DOCK4: variants seen among roughly 807,000 people sequenced by gnomAD.
DOCK4 encodes dedicator of cytokinesis protein 4.
Under a neutral mutation model 268.1 loss-of-function variants are expected in DOCK4, and 97 were observed. That is an observed-to-expected ratio of 0.36 (90% CI 0.31 to 0.43). The LOEUF is 0.43. DOCK4 is among the 20% of genes least tolerant of loss of function. The pLI is 1.00. For missense variants in DOCK4, 2,145 were observed against 2,455.7 expected (o/e 0.87, Z 2.67); for synonymous variants, 954 against 887.2 (o/e 1.08, Z -1.34).
chr7:111,786,302 C>T (rs1165830896), intron 32 of DOCK4, among the ~76,000 whole-genome samples: 1 of 152,190 alleles, frequency 6.6e-6, no homozygotes, highest in Admixed American at 6.5e-5. Context: ...TATGCTTCCA[C>T]AGCACAGTCA....
intron 42 of DOCK4, among the ~76,000 whole-genome samples, chr7:111,753,671 G>A (rs1796837330): frequency 6.6e-6 from 1 of 152,130 alleles, no homozygotes; most frequent in Non-Finnish European, 1.5e-5. Context: ...TCAATTCAAC[G>A]TGATGTATTT....
intron 1 of DOCK4, among the ~76,000 whole-genome samples, chr7:112,111,249 G>C (rs1586843581): frequency 6.6e-6 from 1 of 152,292 alleles, no homozygotes; most frequent in East Asian, 1.9e-4. Flanking sequence ...GCCATCTCCA[G>C]TGGGGCAGGG....
chr7:111,815,613 TCC>T lies in DOCK4; in HGVS notation c.2931-3666_2931-3665del, dbSNP rs1239949918. ...TGATTTATTTATTCATTTATTTATT[TCC>T]TTCCTTCCTTCCCCTCCCCCATCCC... On this transcript the variant is annotated intron_variant, in intron 27 of 52. Transcript: ENST00000428084. 2.9e-3 allele frequency among the ~76,000 whole-genome samples: 444 copies of T among 151,788 alleles called. 3 individuals are homozygous for T. Among genetic ancestry groups the T allele is most frequent in the African/African-American group, 0.01 (418 of 41,318 alleles).
At chr7:111,916,424 C>T (rs536990974) in intron 12 of DOCK4, among the ~76,000 whole-genome samples, 26 of 151,830 alleles carry the variant, frequency 1.7e-4, no homozygotes, top group African/African-American at 4.1e-4. Context: ...GTAACAAAGC[C>T]GATTATAATG....
intron 30 of DOCK4, among the ~76,000 whole-genome samples, chr7:111,794,089 C>T (rs1007178876): frequency 1.3e-5 from 2 of 152,140 alleles, no homozygotes; most frequent in Non-Finnish European, 1.5e-5. Flanking sequence ...GACACAGATG[C>T]TGGAGGGCCA....
chr7:111,930,995 C>T (rs1794155324), intron 12 of DOCK4, among the ~76,000 whole-genome samples: 2 of 152,260 alleles, frequency 1.3e-5, no homozygotes, highest in Admixed American at 6.5e-5. Context: ...GCTGGGTTTG[C>T]CTCAGCTTGA....
chr7:112,181,493 A>C (rs1819028603), intron 1 of DOCK4, among the ~76,000 whole-genome samples: 2 of 151,946 alleles, frequency 1.3e-5, no homozygotes, highest in Non-Finnish European at 1.5e-5. Flanking sequence ...CCATCTCTAC[A>C]AAAAAATTTA....
chr7:111,963,866 C>G (rs373029093), intron 8 of DOCK4, among the ~76,000 whole-genome samples: 28 of 73,542 alleles, frequency 3.8e-4, no homozygotes, highest in East Asian at 1.1e-3. Flanking sequence ...ATCTGAGAAC[C>G]GGCAGACTGC....
chr7:111,799,321 C>T lies in DOCK4; in HGVS notation c.3167-8716G>A, dbSNP rs555842176. Among the ~76,000 whole-genome samples the T allele has an allele frequency of 9.8e-5, 15 of 152,290 alleles. No homozygotes were observed. The South Asian group carries it at 2.7e-3, about 27-fold the overall frequency. ...TCAGATATTGTTTTCAGGCAGAAAACCTCTAAATTGGTTAAGCATGTAACC... is the reference window on the plus strand; with the variant it reads ...TCAGATATTGTTTTCAGGCAGAAAATCTCTAAATTGGTTAAGCATGTAACC... On this transcript the variant is annotated intron_variant, in intron 30 of 52. Coordinates refer to ENST00000428084, the MANE Select transcript of DOCK4 (RefSeq NM_001363540.2).
intron 24 of DOCK4, among the ~76,000 whole-genome samples, chr7:111,845,231 G>A (rs1262215576): frequency 1.3e-5 from 2 of 152,214 alleles, no homozygotes; most frequent in Non-Finnish European, 2.9e-5. Context: ...TCTTCACTGA[G>A]AGTCCATCCT....
chr7:112,130,639 C>T (rs564002077), intron 1 of DOCK4, among the ~76,000 whole-genome samples: 18 of 152,212 alleles, frequency 1.2e-4, no homozygotes, highest in African/African-American at 4.3e-4. Context: ...CAGGTTGAAT[C>T]AGAAAAAAAT....
intron 1 of DOCK4, among the ~76,000 whole-genome samples, chr7:112,151,555 C>T (rs1586928610): frequency 6.6e-6 from 1 of 152,164 alleles, no homozygotes; most frequent in East Asian, 1.9e-4. Context: ...ATCTAGAGCT[C>T]GTCACCAGTA....
chr7:112,096,645 CAAG>C (rs1810167873), intron 1 of DOCK4, among the ~76,000 whole-genome samples: 1 of 152,170 alleles, frequency 6.6e-6, no homozygotes, highest in Admixed American at 6.5e-5. Flanking sequence ...TTTCATCAGA[CAAG>C]AAGAATCTAA....
intron 6 of DOCK4, 135 bp downstream of exon 6, chr7:111,988,880 T>A: frequency 7.7e-7 from 1 of 1,298,264 alleles, no homozygotes; most frequent in Non-Finnish European, 1.0e-6. Flanking sequence ...CAGTTCGCAC[T>A]AAGCCTCCAA....
chr7:112,176,348 C>T (rs553993771), intron 1 of DOCK4, among the ~76,000 whole-genome samples: 26 of 152,284 alleles, frequency 1.7e-4, no homozygotes, highest in Non-Finnish European at 2.9e-4. Flanking sequence ...CATTAGAAAG[C>T]CTCTGGGTCC....
intron 27 of DOCK4, among the ~76,000 whole-genome samples, chr7:111,815,355 T>C (rs1478966687): frequency 6.6e-6 from 1 of 152,208 alleles, no homozygotes; most frequent in African/African-American, 2.4e-5. Context: ...CACACAGGTC[T>C]CTAAGCTAGC....
chr7:111,956,491 G>C (rs1796459546), intron 8 of DOCK4, among the ~76,000 whole-genome samples: 1 of 152,140 alleles, frequency 6.6e-6, no homozygotes, highest in African/African-American at 2.4e-5. Context: ...CTCTGCCAAA[G>C]GGAAGAAGAT....
At chr7:111,973,183 AT>A (rs1393036681) in intron 8 of DOCK4, among the ~76,000 whole-genome samples, 9 of 143,878 alleles carry the variant, frequency 6.3e-5, no homozygotes, top group South Asian at 4.2e-4. Flanking sequence ...ATATATATAT[AT>A]ATAATATTTT....
chr7:111,958,999 C>T lies in DOCK4; in HGVS notation c.702-13201G>A, dbSNP rs73207424. ...AATTGTGACCAAAGGGGGAGTAAAC[C>T]GCAAATCTGATTAACTCTGAAGTGA... On this transcript the variant is annotated intron_variant, in intron 8 of 52. Transcript: ENST00000428084. 9.1e-3 allele frequency among the ~76,000 whole-genome samples: 1,381 copies of T among 152,074 alleles called. 12 individuals carry two copies. Among genetic ancestry groups the T allele is most frequent in the Non-Finnish European group, 0.014 (937 of 68,002 alleles).
Sources: gnomAD v4.1 joint callset for allele counts (sites outside exome capture counted in the v4.1 genomes callset) on GRCh38, gnomAD v4.1.1 for gene constraint, MANE v1.5 for transcripts, NCBI Gene and HGNC (gene_info 2026-07-23, HGNC 2026-07-21) for gene names.